ZCCHC7: variants seen among roughly 807,000 people sequenced by gnomAD.
ZCCHC7 encodes zinc finger CCHC-type containing 7.
A neutral mutation model predicts 52.0 loss-of-function variants in ZCCHC7; 35 were observed. The ratio of observed to expected loss-of-function variants is 0.67; its 90% CI spans 0.51 to 0.89. The LOEUF (loss-of-function observed/expected upper bound fraction) is 0.89. Among genes scored for constraint, ZCCHC7 ranks in the 40% least tolerant of loss-of-function variants. The pLI is 0.00. For synonymous variants in ZCCHC7, 217 were observed against 221.5 expected (o/e 0.98, Z 0.18); for missense variants, 574 against 649.1 (o/e 0.88, Z 1.26).
At chr9:37,290,759 G>A (rs541526357) in intron 2 of ZCCHC7, among the ~76,000 whole-genome samples, 1 of 152,198 alleles carries the variant, frequency 6.6e-6, no homozygotes, top group South Asian at 2.1e-4. Flanking sequence ...AACTAATTCT[G>A]TTTCAGAATT....
chr9:37,326,435 A>G (rs925081554), intron 5 of ZCCHC7, among the ~76,000 whole-genome samples: 2 of 151,300 alleles, frequency 1.3e-5, no homozygotes, highest in Non-Finnish European at 3.0e-5. Flanking sequence ...TTGATATTAA[A>G]ACTGGAAAGC....
rs754388866 is a variant in ZCCHC7 at position 37,256,205 on chromosome 9, C to T, written c.611-45983C>T. On this transcript the variant is annotated intron_variant, in intron 2 of 8. Coordinates refer to ENST00000336755, the MANE Select transcript of ZCCHC7 (RefSeq NM_032226.3). Reference sequence around the variant, plus strand: ...TAGGTCATGGATCTTTGTTTTTTTCCCCAGATTGTCAAAAACACATGCCAA... The same window carrying T: ...TAGGTCATGGATCTTTGTTTTTTTCTCCAGATTGTCAAAAACACATGCCAA... Among the ~76,000 whole-genome samples the T allele has an allele frequency of 6.3e-4, 95 of 151,754 alleles. 2 individuals carry two copies. Among genetic ancestry groups the T allele is most frequent in the South Asian group, 2.1e-4 (1 of 4,826 alleles).
intron 2 of ZCCHC7, among the ~76,000 whole-genome samples, chr9:37,198,511 T>G (rs1399650740): frequency 2.6e-5 from 4 of 152,222 alleles, no homozygotes; most frequent in African/African-American, 9.6e-5. Flanking sequence ...TTGTGGTCAC[T>G]TTTGCCCTGG....
At chr9:37,346,441 G>A (rs1402469191) in intron 6 of ZCCHC7, among the ~76,000 whole-genome samples, 1 of 152,128 alleles carries the variant, frequency 6.6e-6, no homozygotes, top group Admixed American at 6.5e-5. Flanking sequence ...TTTGGGAGGC[G>A]AAGGCAAGCA....
chr9:37,133,746 G>A (rs974158305), intron 2 of ZCCHC7, among the ~76,000 whole-genome samples: 7 of 151,944 alleles, frequency 4.6e-5, no homozygotes, highest in East Asian at 1.9e-4. Flanking sequence ...GAGCCACCAC[G>A]CCCAGCTAAT....
intron 2 of ZCCHC7, among the ~76,000 whole-genome samples, chr9:37,149,632 T>C (rs149961103): frequency 9.6e-4 from 146 of 152,276 alleles, no homozygotes; most frequent in African/African-American, 3.4e-3. Context: ...ATACATAGAA[T>C]AGAATGATTC....
intron 2 of ZCCHC7, among the ~76,000 whole-genome samples, chr9:37,172,272 T>G (rs1281477691): frequency 6.6e-6 from 1 of 152,248 alleles, no homozygotes; most frequent in Admixed American, 6.5e-5. Context: ...ATTTGTTGCT[T>G]TTGTTACTCT....
Position 37,327,829 on chromosome 9 carries a change from C to T in ZCCHC7, c.982C>T (p.Leu328=), listed in dbSNP as rs201388811. 6.2e-7 allele frequency: 1 copy of T among 1,613,048 alleles called. No homozygotes were observed. Among genetic ancestry groups the T allele is most frequent in the East Asian group, 2.2e-5 (1 of 44,840 alleles). ...ACTEIWRQYH[L]TTKPGPPKKP... is the part of the protein sequence containing the mutation. ...CACAGAAATCTGGAGGCAGTATCAC[C>T]TAACGGTGAGTAGAAACACCTTTTT... is the stretch of plus-strand genomic sequence containing the variant. Residue 328 remains leucine, a synonymous_variant, in exon 6 of 9, where the codon CTA becomes TTA. Coordinates refer to ENST00000336755, the MANE Select transcript of ZCCHC7 (RefSeq NM_032226.3).
At chr9:37,332,390 A>G (rs1830483267) in intron 6 of ZCCHC7, among the ~76,000 whole-genome samples, 1 of 151,482 alleles carries the variant, frequency 6.6e-6, no homozygotes, top group South Asian at 2.1e-4. Flanking sequence ...ATGACTTGTA[A>G]TAGTCCATCT....
chr9:37,123,218 TGTGTGTGC>T (rs1043619504), intron 1 of ZCCHC7, among the ~76,000 whole-genome samples: 5 of 124,428 alleles, frequency 4.0e-5, no homozygotes, highest in East Asian at 2.1e-4. Flanking sequence ...TGTGTGTGTG[TGTGTGTGC>T]GTGTGCGTGT....
intron 2 of ZCCHC7, among the ~76,000 whole-genome samples, chr9:37,232,040 G>T (rs1356390304): frequency 6.6e-6 from 1 of 152,144 alleles, no homozygotes; most frequent in African/African-American, 2.4e-5. Flanking sequence ...TTTCATTACA[G>T]ACATTTCTGC....
intron 2 of ZCCHC7, among the ~76,000 whole-genome samples, chr9:37,171,215 G>A (rs1224834501): frequency 6.6e-6 from 1 of 152,104 alleles, no homozygotes; most frequent in Non-Finnish European, 1.5e-5. Flanking sequence ...TTACTTATTT[G>A]CTCTTTCATT....
intron 2 of ZCCHC7, chr9:37,205,169 C>A (rs1823836708): frequency 5.8e-6 from 2 of 346,582 alleles, no homozygotes; most frequent in South Asian, 5.8e-5. Context: ...GAATCTTGCC[C>A]TTAACTGGTT....
chr9:37,298,327 T>C (rs139385428), intron 2 of ZCCHC7, among the ~76,000 whole-genome samples: 2 of 152,334 alleles, frequency 1.3e-5, no homozygotes, highest in African/African-American at 2.4e-5. Flanking sequence ...ACCTCCAACA[T>C]TGGGGATTAC....
intron 2 of ZCCHC7, among the ~76,000 whole-genome samples, chr9:37,226,443 A>T (rs1197620889): frequency 1.3e-5 from 2 of 152,170 alleles, no homozygotes; most frequent in Non-Finnish European, 2.9e-5. Context: ...TAAATTGATT[A>T]TAAAATGTAT....
intron 2 of ZCCHC7, among the ~76,000 whole-genome samples, chr9:37,234,294 C>G (rs147560351): frequency 5.9e-5 from 9 of 152,322 alleles, no homozygotes; most frequent in African/African-American, 2.2e-4. Context: ...CTATTGTTCT[C>G]TGTGCTGACT....
At chr9:37,156,167 T>C (rs1820801056) in intron 2 of ZCCHC7, among the ~76,000 whole-genome samples, 1 of 152,248 alleles carries the variant, frequency 6.6e-6, no homozygotes, top group Non-Finnish European at 1.5e-5. Context: ...TGGTTTAAGT[T>C]ATGGTTTGAG....
intron 2 of ZCCHC7, among the ~76,000 whole-genome samples, chr9:37,187,292 C>T (rs1355875361): frequency 6.6e-6 from 1 of 152,176 alleles, no homozygotes; most frequent in Non-Finnish European, 1.5e-5. Flanking sequence ...GGGATAGTTT[C>T]GAGATGAAAC....
chr9:37,286,091 G>A (rs899992789), intron 2 of ZCCHC7, among the ~76,000 whole-genome samples: 31 of 152,172 alleles, frequency 2.0e-4, no homozygotes, highest in African/African-American at 7.2e-4. Context: ...TGTGGTACAT[G>A]ATGAAATGAA....
Sources: allele counts gnomAD v4.1 joint callset (sites outside exome capture counted in the v4.1 genomes callset), GRCh38; gene constraint gnomAD v4.1.1; transcripts MANE v1.5; gene names NCBI Gene and HGNC (gene_info 2026-07-23, HGNC 2026-07-21).